The following VIPAS39 variants were observed in gnomAD, a reference collection of about 807,000 sequenced individuals.
VIPAS39 encodes the protein VPS33B interacting protein, apical-basolateral polarity regulator, spe-39 homolog, also known as spermatogenesis-defective protein 39 homolog.
In VIPAS39, 63 loss-of-function variants were observed where a neutral mutation model predicts 84.7. That is an observed-to-expected ratio of 0.74 (90% CI 0.61 to 0.92). VIPAS39 has a LOEUF of 0.92. Among genes scored for constraint, VIPAS39 ranks in the 40% least tolerant of loss-of-function variants. The probability of loss-of-function intolerance (pLI) is 0.00; values close to 1 mark genes in which losing one functional copy is unlikely to be tolerated. For missense variants in VIPAS39, 499 were observed against 604.5 expected (o/e 0.83, Z 1.83); for synonymous variants, 192 against 216.5 (o/e 0.89, Z 0.99).
intron 1 of VIPAS39, among the ~76,000 whole-genome samples, chr14:77,455,337 C>CA (rs1566741993): frequency 6.6e-6 from 1 of 151,858 alleles, no homozygotes. Flanking sequence ...AAAAACAAAA[C>CA]AAAAAACTAG....
At chr14:77,442,736 C>A in intron 9 of VIPAS39, 74 bp from the exon 10 acceptor site, 1 of 1,287,602 alleles carries the variant, frequency 7.8e-7, no homozygotes, top group Non-Finnish European at 1.1e-6. Context: ...TCTCCCTACT[C>A]ACACATTCCA....
chr14:77,431,389 G>C (rs2078520244), intron 16 of VIPAS39, among the ~76,000 whole-genome samples: 1 of 152,188 alleles, frequency 6.6e-6, no homozygotes, highest in African/African-American at 2.4e-5. Context: ...TTTCTCCAAA[G>C]AAGACATGGA....
At chr14:77,434,579 T>C (rs2078575081) in intron 14 of VIPAS39, among the ~76,000 whole-genome samples, 3 of 152,242 alleles carry the variant, frequency 2.0e-5, no homozygotes, top group Admixed American at 1.3e-4. Flanking sequence ...GAATCCATAC[T>C]TCTTTGAAAA....
chr14:77,448,982 G>A (rs1292416011), intron 6 of VIPAS39, among the ~76,000 whole-genome samples: 4 of 152,162 alleles, frequency 2.6e-5, no homozygotes. Flanking sequence ...ATGGGAATAT[G>A]AGCTCTACCA....
chr14:77,442,757 C>T (rs2078722932), intron 9 of VIPAS39, 95 bp from the exon 10 acceptor site: 1 of 1,117,628 alleles, frequency 8.9e-7, no homozygotes, highest in Non-Finnish European at 1.4e-6. Context: ...AATATTATCT[C>T]ATCAAACCCT....
chr14:77,429,154 C>T (rs1207983605), intron 17 of VIPAS39, 59 bp from the exon 18 acceptor site: 3 of 1,510,646 alleles, frequency 2.0e-6, no homozygotes, highest in African/African-American at 1.4e-5. Flanking sequence ...CAGAGCTCTA[C>T]AAGGTAGAAA....
At chr14:77,453,111 A>T (rs1555368188) in intron 3 of VIPAS39, among the ~76,000 whole-genome samples, 188 bp downstream of exon 3, 1 of 152,236 alleles carries the variant, frequency 6.6e-6, no homozygotes, top group Non-Finnish European at 1.5e-5. Flanking sequence ...CTATATAGCC[A>T]TGTGGGAACT....
chr14:77,444,817 C>T (rs1384191512), intron 7 of VIPAS39, among the ~76,000 whole-genome samples: 2 of 152,002 alleles, frequency 1.3e-5, no homozygotes, highest in South Asian at 2.1e-4. Context: ...CTCCTGACCT[C>T]GTCATCCACC....
chr14:77,454,692 A>AAAAG (rs2078935116), intron 1 of VIPAS39, among the ~76,000 whole-genome samples: 3 of 150,976 alleles, frequency 2.0e-5, no homozygotes, highest in South Asian at 2.1e-4. Flanking sequence ...AAAAAAAAAA[A>AAAAG]GTGTCAGACG....
At chr14:77,438,592 C>A (rs1211335160) in intron 11 of VIPAS39, among the ~76,000 whole-genome samples, 2 of 152,210 alleles carry the variant, frequency 1.3e-5, no homozygotes, top group African/African-American at 4.8e-5. Context: ...TATAATGAAG[C>A]ACTGAGTAGA....
chr14:77,434,371 T>C (rs1319900030), intron 14 of VIPAS39, 68 bp from the exon 15 acceptor site: 8 of 1,457,288 alleles, frequency 5.5e-6, no homozygotes, highest in Admixed American at 1.7e-5. Context: ...AGCTCTCATT[T>C]TCTTTCCCAC....
At chr14:77,442,502 C>A in intron 10 of VIPAS39, 58 bp downstream of exon 10, 1 of 1,417,608 alleles carries the variant, frequency 7.1e-7, no homozygotes, top group Admixed American at 1.7e-5. Flanking sequence ...TTGTATCCCT[C>A]AGAGTGCTTT....
At chr14:77,435,066 A>G (rs990353994) in intron 14 of VIPAS39, 193 bp downstream of exon 14, 17 of 755,576 alleles carry the variant, frequency 2.2e-5, no homozygotes, top group Middle Eastern at 3.9e-4. Flanking sequence ...TGAAGCTACA[A>G]ACCTTACAAA....
At chr14:77,451,389 T>C (rs1324588518) in intron 3 of VIPAS39, 56 bp from the exon 4 acceptor site, 1 of 1,613,200 alleles carries the variant, frequency 6.2e-7, no homozygotes, top group African/African-American at 1.3e-5. Context: ...AGCCTTGACA[T>C]CCAACATTCA....
intron 1 of VIPAS39, 73 bp from the exon 2 acceptor site, chr14:77,454,175 C>T: frequency 7.3e-7 from 1 of 1,369,620 alleles, no homozygotes; most frequent in Non-Finnish European, 1.0e-6. Context: ...CTTTAGTTTC[C>T]TGCACCACTA....
Position 77,451,240 on chromosome 14 carries a change from T to C in VIPAS39, c.290A>G (p.Tyr97Cys). The change falls in exon 4 of 20, where the codon TAT becomes TGT. Residue 97 changes from tyrosine to cysteine, a missense_variant. By Grantham distance (194) the Tyr-to-Cys change is radical. Transcript: ENST00000557658. Reference protein sequence around the residue: ...QLKSRNSFSSYAQLPKPTSTY... With the variant: ...QLKSRNSFSSCAQLPKPTSTY... ...AGAAGTAGGCTTGGGTAGTTGTGCA[T>C]AGGAGGAGAAGCTGTTTCGGCTCTT... 6.2e-7 allele frequency: 1 copy of C among 1,614,230 alleles called. No homozygotes were observed. The highest frequency in any genetic ancestry group is 8.5e-7 in the Non-Finnish European group (1 of 1,180,036).
At position 77,442,675 on chromosome 14, in the gene VIPAS39, C is replaced by A. The variant is rs201486271; in HGVS notation, c.632-13G>T. Reference sequence around the variant, plus strand: ...CGGAAGAGGATCTCTGTCAGACAGTCAGGAGTTAAGTTGAGAAAGATTAAA... The same window carrying A: ...CGGAAGAGGATCTCTGTCAGACAGTAAGGAGTTAAGTTGAGAAAGATTAAA... On this transcript the variant is annotated splice_polypyrimidine_tract_variant and intron_variant, in intron 9 of 19. Coordinates refer to ENST00000557658, the MANE Select transcript of VIPAS39 (RefSeq NM_001193315.2). 1.2e-6 allele frequency: 2 copies of A among 1,613,130 alleles called. No individual in the cohort carries two copies. Among genetic ancestry groups the A allele is most frequent in the African/African-American group, 1.3e-5 (1 of 75,040 alleles).
At chr14:77,435,088 T>C in intron 14 of VIPAS39, 171 bp downstream of exon 14, 1 of 976,064 alleles carries the variant, frequency 1.0e-6, no homozygotes, top group Non-Finnish European at 1.6e-6. Flanking sequence ...CTCTTTTCCC[T>C]CCTGGCCAGA....
intron 18 of VIPAS39, among the ~76,000 whole-genome samples, chr14:77,428,760 T>C (rs1003968601): frequency 6.6e-6 from 1 of 152,174 alleles, no homozygotes; most frequent in African/African-American, 2.4e-5. Context: ...ACAGCTTGTA[T>C]AGCTTGATTT....
Sources: gnomAD v4.1 joint callset for allele counts (sites outside exome capture counted in the v4.1 genomes callset) on GRCh38, gnomAD v4.1.1 for gene constraint, MANE v1.5 for transcripts, NCBI Gene and HGNC (gene_info 2026-07-23, HGNC 2026-07-21) for gene names.